ZNF451: variants seen among roughly 807,000 people sequenced by gnomAD.
The protein encoded by ZNF451 is E3 SUMO-protein ligase ZNF451.
A neutral mutation model predicts 107.1 loss-of-function variants in ZNF451; 80 were observed. The observed-to-expected ratio is 0.75, with a 90% CI of 0.62 to 0.90. The LOEUF is 0.90. Among genes scored for constraint, ZNF451 ranks in the 40% least tolerant of loss-of-function variants. ZNF451 has a pLI of 0.00. For synonymous variants in ZNF451, 362 were observed against 406.5 expected, an observed-to-expected ratio of 0.89 and a Z score of 1.32; for missense variants, 1,107 against 1,236.2, an observed-to-expected ratio of 0.90 and a Z score of 1.57.
chr6:57,143,304 T>G (rs547821780), intron 9 of ZNF451, among the ~76,000 whole-genome samples: 1 of 152,286 alleles, frequency 6.6e-6, no homozygotes, highest in African/African-American at 2.4e-5. Context: ...ATGTATTTTA[T>G]TTCCCTAAAT....
Position 57,148,686 on chromosome 6 carries a change from G to T in ZNF451, c.2601G>T (p.Gln867His). Residue 867 changes from glutamine to histidine, a missense_variant, in exon 10 of 15, where the codon CAG becomes CAT. This residue lies in a region of ZNF451 where 608 missense variants were observed against 649.2 expected (regional missense o/e 0.94). Transcript: ENST00000370706. ...EKGVENDLSYQNIEEEIVELP... is the reference protein window; with the variant it reads ...EKGVENDLSYHNIEEEIVELP... Reference sequence around the variant, plus strand: ...GAGTTGAGAATGACCTAAGCTATCAGAATATAGGTATGGCTTTATAGCTCT... The same window carrying T: ...GAGTTGAGAATGACCTAAGCTATCATAATATAGGTATGGCTTTATAGCTCT... 6.2e-7 allele frequency: 1 copy of T among 1,603,752 alleles called. No homozygotes were observed. Among genetic ancestry groups the T allele is most frequent in the South Asian group, 1.1e-5 (1 of 89,644 alleles).
intron 2 of ZNF451, chr6:57,092,927 T>C (rs1236175937): frequency 6.6e-6 from 1 of 152,176 alleles, no homozygotes; most frequent in Non-Finnish European, 1.5e-5. Flanking sequence ...TATTGAAATA[T>C]ACATAAAAGT....
chr6:57,123,410 CAG>C (rs1323430513), intron 3 of ZNF451, among the ~76,000 whole-genome samples: 1 of 152,132 alleles, frequency 6.6e-6, no homozygotes, highest in African/African-American at 2.4e-5. Flanking sequence ...AATGCAGAAA[CAG>C]AAAAACGAGT....
chr6:57,112,940 A>G (rs1026022212), intron 3 of ZNF451, among the ~76,000 whole-genome samples: 1 of 152,228 alleles, frequency 6.6e-6, no homozygotes, highest in Non-Finnish European at 1.5e-5. Context: ...GTACAATGCT[A>G]TGAGCTATTA....
chr6:57,110,104 T>C (rs1389894466), intron 3 of ZNF451, among the ~76,000 whole-genome samples: 1 of 152,072 alleles, frequency 6.6e-6, no homozygotes, highest in Admixed American at 6.5e-5. Flanking sequence ...TGGAGGATGA[T>C]TAGGCAAGAG....
In ZNF451 at chr6:57,168,805, G is replaced by A. The variant is rs935659473; in HGVS notation, c.*336G>A. ...GACAGTTGTTTCCCAAATAGCATTA[G>A]TTCTTTAATTTTATTTGTACTGTAC... On this transcript the variant is annotated 3_prime_UTR_variant, in exon 15 of 15. Transcript: ENST00000370706. 2 of 220,642 alleles carry A rather than the reference G, an allele frequency of 9.1e-6. No individual in the cohort carries two copies. Among genetic ancestry groups the A allele is most frequent in the African/African-American group, 4.7e-5 (2 of 42,738 alleles). The allele number at this position is 220,642 out of a possible 1,614,324, so 13.7% of individuals were successfully genotyped here. A position where few individuals can be genotyped will look rare whatever the true frequency, so the allele number is the denominator to read the frequency against.
At chr6:57,142,597 T>A (rs930523408) in intron 9 of ZNF451, among the ~76,000 whole-genome samples, 4 of 152,238 alleles carry the variant, frequency 2.6e-5, no homozygotes, top group African/African-American at 9.6e-5. Context: ...ATCCATTCCC[T>A]TGTTGATAGA....
intron 13 of ZNF451, among the ~76,000 whole-genome samples, chr6:57,155,977 G>C (rs1252931950): frequency 2.0e-5 from 3 of 151,950 alleles, no homozygotes; most frequent in Non-Finnish European, 2.9e-5. Context: ...TGCTAACTTT[G>C]CTGTTTCCTA....
chr6:57,093,349 A>C (rs376287572), intron 2 of ZNF451, among the ~76,000 whole-genome samples: 29 of 152,352 alleles, frequency 1.9e-4, no homozygotes, highest in African/African-American at 6.7e-4. Flanking sequence ...TAGCTTCAGT[A>C]CCACATAGAT....
chr6:57,148,299 T>C lies in ZNF451; in HGVS notation c.2214T>C (p.Tyr738=). ...GTAAAGTCAACAGAAAAGAAGATTA[T>C]AGCAGATGTCTCCAAATCATGCTGG... ...YICKVNRKED[Y]SRCLQIMLDK... The change falls in exon 10 of 15, where the codon TAT becomes TAC. Residue 738 remains tyrosine, a synonymous_variant. Transcript: ENST00000370706. The C allele has an allele frequency of 6.2e-7, 1 of 1,614,050 alleles. No individual in the cohort carries two copies. The highest frequency in any genetic ancestry group is 1.1e-5 in the South Asian group (1 of 91,056).
chr6:57,161,045 T>A, intron 13 of ZNF451, 39 bp from the exon 14 acceptor site: 1 of 1,343,580 alleles, frequency 7.4e-7, no homozygotes, highest in Non-Finnish European at 1.0e-6. Context: ...TACATAAATT[T>A]ATGGCACAAT....
intron 3 of ZNF451, among the ~76,000 whole-genome samples, chr6:57,122,491 T>TA (rs1467965666): frequency 6.6e-6 from 1 of 152,178 alleles, no homozygotes; most frequent in Non-Finnish European, 1.5e-5. Flanking sequence ...GACAAAGGAC[T>TA]AATATCCAGA....
chr6:57,138,735 ATATATATGTGTGTG>A lies in ZNF451; in HGVS notation c.703-2565_703-2552del, dbSNP rs1225155817. On this transcript the variant is annotated intron_variant, in intron 7 of 14. Coordinates refer to ENST00000370706, the MANE Select transcript of ZNF451 (RefSeq NM_001031623.3). ...TATATATATATATATATATATATATATATATATGTGTGTGTGTGTGTGTGTGTGTGTGTGTGTGT... is the reference window on the plus strand; with the variant it reads ...TATATATATATATATATATATATATATGTGTGTGTGTGTGTGTGTGTGTGT... 2.6e-3 allele frequency among the ~76,000 whole-genome samples: 272 copies of A among 104,936 alleles called. 3 individuals are homozygous for A. Among genetic ancestry groups the A allele is most frequent in the African/African-American group, 0.011 (259 of 23,978 alleles). 68.8% of individuals were successfully genotyped at this position (104,936 alleles called of 152,430 possible).
intron 2 of ZNF451, among the ~76,000 whole-genome samples, chr6:57,091,696 C>T (rs9349844): frequency 0.11 from 16,879 of 152,090 alleles, 1,096 homozygotes; most frequent in African/African-American, 0.17. Flanking sequence ...CTCAGCTCGC[C>T]AGGCAGAAAA....
chr6:57,155,221 C>T (rs1003401278), intron 13 of ZNF451, among the ~76,000 whole-genome samples: 2 of 152,092 alleles, frequency 1.3e-5, no homozygotes, highest in African/African-American at 4.8e-5. Flanking sequence ...TGCAGTGGCT[C>T]ACACCTGTAA....
rs111505249 is a variant in ZNF451, at chr6:57,115,821, T to C, written c.187-8913T>C. Among the ~76,000 whole-genome samples, 57 of 152,344 alleles carry C rather than the reference T, an allele frequency of 3.7e-4. 1 individual carries two copies. Among genetic ancestry groups the C allele is most frequent in the African/African-American group, 1.3e-3 (55 of 41,588 alleles). ...CTGATTGGCTAGCATTGATAGCTTA[T>C]TCACTGTCGGTATGGACCCTTTAAT... On this transcript the variant is annotated intron_variant, in intron 3 of 14. Coordinates refer to ENST00000370706, the MANE Select transcript of ZNF451 (RefSeq NM_001031623.3).
intron 13 of ZNF451, among the ~76,000 whole-genome samples, chr6:57,157,552 G>T (rs1286219824): frequency 6.6e-6 from 1 of 152,060 alleles, no homozygotes; most frequent in East Asian, 1.9e-4. Flanking sequence ...AAGCATCAGG[G>T]TTTCAACATG....
In ZNF451 at chr6:57,152,302, C is replaced by G. The variant is rs1832387741; in HGVS notation, c.2834C>G (p.Pro945Arg). 1.2e-6 allele frequency: 2 copies of G among 1,614,068 alleles called. No individual in the cohort carries two copies. Among genetic ancestry groups the G allele is most frequent in the Non-Finnish European group, 1.7e-6 (2 of 1,180,002 alleles). The change falls in exon 12 of 15, where the codon CCT (proline) becomes CGT (arginine). Residue 945 changes from proline to arginine, a missense_variant. Physicochemically the swap from Pro to Arg is moderately radical, Grantham distance 103. Transcript: ENST00000370706. ...AGGATTGGATGCTTCTTCCTTCATCCTCGCTGTAGTAAAAGAAAAGATGCT... is the reference window on the plus strand; with the variant it reads ...AGGATTGGATGCTTCTTCCTTCATCGTCGCTGTAGTAAAAGAAAAGATGCT... ...LNRIGCFFLH[P>R]RCSKRKDAAD...
intron 3 of ZNF451, chr6:57,107,052 G>T (rs1250087069): frequency 1.0e-6 from 1 of 975,102 alleles, no homozygotes; most frequent in Non-Finnish European, 1.2e-6. Context: ...CTTGTTTTTT[G>T]TTATAATGAA....
Sources: allele counts gnomAD v4.1 joint callset (sites outside exome capture counted in the v4.1 genomes callset), GRCh38; gene constraint gnomAD v4.1.1; regional missense constraint gnomAD v4.1.1; transcripts MANE v1.5; gene names NCBI Gene and HGNC (gene_info 2026-07-23, HGNC 2026-07-21).